Variants in ELAC1 observed in about 807,000 individuals in gnomAD.
The protein encoded by ELAC1 is elaC ribonuclease Z 1, also known as zinc phosphodiesterase ELAC protein 1.
In ELAC1, 19 loss-of-function variants were observed where a neutral mutation model predicts 25.8. That is an observed-to-expected ratio of 0.74 (90% CI 0.51 to 1.08). ELAC1 has a LOEUF of 1.08. ELAC1 is among the 50% of genes least tolerant of loss of function. ELAC1 has a pLI of 0.00. For missense variants in ELAC1, 403 were observed against 434.6 expected, an observed-to-expected ratio of 0.93 and a Z score of 0.65; for synonymous variants, 148 against 160.9, an observed-to-expected ratio of 0.92 and a Z score of 0.61.
chr18:50,982,975 T>C (rs1236650362), intron 2 of ELAC1, among the ~76,000 whole-genome samples: 1 of 152,124 alleles, frequency 6.6e-6, no homozygotes, highest in African/African-American at 2.4e-5. Context: ...AATTTTGGGT[T>C]CAGGCACTGG....
intron 1 of ELAC1, 85 bp from the exon 2 acceptor site, chr18:50,974,312 A>G: frequency 7.8e-7 from 1 of 1,287,066 alleles, no homozygotes; most frequent in Non-Finnish European, 1.0e-6. Context: ...AAATAACCAA[A>G]AAGTAATAAT....
In ELAC1 at chr18:50,984,234, T is replaced by C. The variant is rs35143199; in HGVS notation, c.296T>C (p.Leu99Pro). ...QPIEIYGPVG[L>P]RDFIWRTMEL... Reference sequence around the variant, plus strand: ...ATTGAAATCTATGGCCCTGTAGGGCTTCGGGACTTTATCTGGCGAACCATG... The same window carrying C: ...ATTGAAATCTATGGCCCTGTAGGGCCTCGGGACTTTATCTGGCGAACCATG... The change falls in exon 3 of 4, where the codon CTT becomes CCT. Residue 99 changes from leucine (L) to proline (P), a missense_variant. Physicochemically the swap from Leu to Pro is moderately conservative, Grantham distance 98. Transcript: ENST00000269466. 6.2e-7 allele frequency: 1 copy of C among 1,614,190 alleles called. No homozygotes were observed. The highest frequency in any genetic ancestry group is 2.2e-5 in the East Asian group (1 of 44,874).
chr18:50,986,872 A>G lies in ELAC1; in HGVS notation c.879A>G (p.Thr293=). 6.2e-7 allele frequency: 1 copy of G among 1,614,042 alleles called. No homozygotes were observed. Among genetic ancestry groups the G allele is most frequent in the Non-Finnish European group, 8.5e-7 (1 of 1,179,898 alleles). ...MDKAKEHGHS[T]PQMAATFAKL... ...AAGCAAAGGAGCATGGCCACAGCAC[A>G]CCACAGATGGCAGCAACATTTGCAA... is the stretch of plus-strand genomic sequence containing the variant. Residue 293 remains threonine (T), a synonymous_variant, in exon 4 of 4, where the codon ACA becomes ACG. Transcript: ENST00000269466.
At chr18:50,977,122 A>G (rs1405296569) in intron 2 of ELAC1, among the ~76,000 whole-genome samples, 1 of 152,196 alleles carries the variant, frequency 6.6e-6, no homozygotes, top group African/African-American at 2.4e-5. Context: ...GAGTGTCTGC[A>G]GCTTTTCCAT....
chr18:50,976,759 C>T (rs1271376898), intron 2 of ELAC1, among the ~76,000 whole-genome samples: 1 of 152,162 alleles, frequency 6.6e-6, no homozygotes, highest in Non-Finnish European at 1.5e-5. Flanking sequence ...AATTTAAAAG[C>T]CCACAGTCCA....
chr18:50,984,651 G>T, intron 3 of ELAC1, 88 bp downstream of exon 3: 1 of 1,009,918 alleles, frequency 9.9e-7, no homozygotes, highest in Non-Finnish European at 1.4e-6. Context: ...TCATAGTAAG[G>T]CCAGGAGTTG....
At chr18:50,975,100 A>G (rs928303612) in intron 2 of ELAC1, among the ~76,000 whole-genome samples, 2 of 152,172 alleles carry the variant, frequency 1.3e-5, no homozygotes, top group African/African-American at 4.8e-5. Flanking sequence ...GAGATAGAGC[A>G]GTCCAGTGGT....
chr18:50,974,627 C>CA (rs777533462), intron 2 of ELAC1, 66 bp downstream of exon 2: 8 of 1,504,430 alleles, frequency 5.3e-6, no homozygotes, highest in Non-Finnish European at 7.4e-6. Context: ...CTTGGCTCTC[C>CA]TTGGACATTT....
intron 3 of ELAC1, among the ~76,000 whole-genome samples, chr18:50,985,134 C>T (rs1908065147): frequency 6.6e-6 from 1 of 152,130 alleles, no homozygotes; most frequent in Non-Finnish European, 1.5e-5. Flanking sequence ...TCTGTCTTCA[C>T]CTTATACTAT....
chr18:50,975,892 T>C (rs1688578581), intron 2 of ELAC1, among the ~76,000 whole-genome samples: 1 of 152,040 alleles, frequency 6.6e-6, no homozygotes, highest in South Asian at 2.1e-4. Context: ...ATCCCAGAGA[T>C]TGTTAACAGT....
chr18:50,975,426 T>C (rs140149926), intron 2 of ELAC1, among the ~76,000 whole-genome samples: 3 of 151,958 alleles, frequency 2.0e-5, no homozygotes, highest in African/African-American at 7.3e-5. Flanking sequence ...CTTCTTAGCA[T>C]CATCAGTATC....
chr18:50,983,158 T>TTC (rs1568188103), intron 2 of ELAC1, among the ~76,000 whole-genome samples: 1 of 123,648 alleles, frequency 8.1e-6, no homozygotes, highest in Non-Finnish European at 1.6e-5. Flanking sequence ...ACTTGGTGTT[T>TTC]TTTTTTTTTT....
At chr18:50,974,300 C>T (rs143898455) in intron 1 of ELAC1, 97 bp from the exon 2 acceptor site, 8 of 1,183,926 alleles carry the variant, frequency 6.8e-6, no homozygotes, top group Non-Finnish European at 9.1e-6. Context: ...CCAGACTGTT[C>T]TAAATAACCA....
At chr18:50,981,090 C>T (rs1390836619) in intron 2 of ELAC1, among the ~76,000 whole-genome samples, 1 of 144,918 alleles carries the variant, frequency 6.9e-6, no homozygotes, top group Non-Finnish European at 1.5e-5. Flanking sequence ...CACACCCCCA[C>T]CCCCCGCCAC....
intron 2 of ELAC1, among the ~76,000 whole-genome samples, chr18:50,979,343 T>A (rs1407449275): frequency 6.6e-6 from 1 of 152,136 alleles, no homozygotes; most frequent in Non-Finnish European, 1.5e-5. Flanking sequence ...TACAATTTCA[T>A]CAGAGGCCCA....
chr18:50,972,062 G>C (rs1907675656), intron 1 of ELAC1, among the ~76,000 whole-genome samples: 1 of 120,634 alleles, frequency 8.3e-6, no homozygotes, highest in Non-Finnish European at 1.8e-5. Flanking sequence ...TTTTTTTTCA[G>C]GTTTTTTTTC....
chr18:50,974,531 A>G lies in ELAC1; in HGVS notation c.127A>G (p.Thr43Ala), dbSNP rs1907744838. ...WLFDCGEGTQ[T>A]QLMKSQLKAG... ...CTTTGACTGTGGGGAGGGAACACAG[A>G]CACAGCTTATGAAAAGCCAACTTAA... Residue 43 changes from threonine (T) to alanine (A), a missense_variant, in exon 2 of 4, where the codon ACA becomes GCA. Thr to Ala is a moderately conservative substitution (Grantham distance 58). Coordinates refer to ENST00000269466, the MANE Select transcript of ELAC1 (RefSeq NM_018696.3). 3 of 1,613,960 alleles carry G rather than the reference A, an allele frequency of 1.9e-6. No homozygotes were observed. The highest frequency in any genetic ancestry group is 2.5e-6 in the Non-Finnish European group (3 of 1,179,956).
intron 1 of ELAC1, among the ~76,000 whole-genome samples, chr18:50,971,907 TG>T: frequency 9.0e-6 from 1 of 111,240 alleles, no homozygotes; most frequent in East Asian, 2.8e-4. Flanking sequence ...TGTGTGTGTG[TG>T]TGTGTATATA....
At chr18:50,982,048 G>A (rs1010517022) in intron 2 of ELAC1, among the ~76,000 whole-genome samples, 6 of 152,072 alleles carry the variant, frequency 3.9e-5, no homozygotes, top group African/African-American at 9.7e-5. Flanking sequence ...GTTTCTCCAA[G>A]TTGATCAGAC....
Sources: gnomAD v4.1 joint callset for allele counts (sites outside exome capture counted in the v4.1 genomes callset) on GRCh38, gnomAD v4.1.1 for gene constraint, MANE v1.5 for transcripts, NCBI Gene and HGNC (gene_info 2026-07-23, HGNC 2026-07-21) for gene names.